The following PHF20 variants were observed in gnomAD, a reference collection of about 807,000 sequenced individuals.
PHF20 encodes the protein glioma-expressed antigen 2.
In PHF20, 23 loss-of-function variants were observed where a neutral mutation model predicts 113.5. That is an observed-to-expected ratio of 0.20 (90% CI 0.15 to 0.29). PHF20 has a LOEUF of 0.29. PHF20 is among the 10% of genes least tolerant of loss of function. PHF20 has a pLI of 1.00. For missense variants in PHF20, 943 were observed against 1,219.6 expected (o/e 0.77, Z 3.38); for synonymous variants, 434 against 457.3 (o/e 0.95, Z 0.65).
At chr20:35,880,622 T>C (rs1346139581) in intron 9 of PHF20, among the ~76,000 whole-genome samples, 2 of 152,172 alleles carry the variant, frequency 1.3e-5, no homozygotes, top group Non-Finnish European at 2.9e-5. Context: ...AATTCCCCAA[T>C]TGCTAGCAAT....
intron 7 of PHF20, among the ~76,000 whole-genome samples, 167 bp from the exon 8 acceptor site, chr20:35,870,788 A>G (rs2054407433): frequency 6.6e-6 from 1 of 152,176 alleles, no homozygotes; most frequent in Admixed American, 6.5e-5. Context: ...CTTTTCCCTT[A>G]CTTAAAACTG....
In PHF20 at chr20:35,905,594, G is replaced by A. The variant is rs186116784; in HGVS notation, c.1561+5946G>A. On this transcript the variant is annotated intron_variant, in intron 10 of 17. Transcript: ENST00000374012. ...CCAAATAGTCTGGCACCTTGATCTTGTAGTTTCCAACCTCCAGAACTGTGA... is the reference window on the plus strand; with the variant it reads ...CCAAATAGTCTGGCACCTTGATCTTATAGTTTCCAACCTCCAGAACTGTGA... Among the ~76,000 whole-genome samples the A allele has an allele frequency of 1.2e-3, 178 of 152,292 alleles. 1 individual carries two copies. The highest frequency in any genetic ancestry group is 4.2e-3 in the African/African-American group (174 of 41,552).
chr20:35,923,191 C>CAA (rs138602271), intron 13 of PHF20, among the ~76,000 whole-genome samples: 1,813 of 152,286 alleles, frequency 0.012, 36 homozygotes, highest in African/African-American at 0.041. Context: ...CAAAACAAGT[C>CAA]AAGCTGGCAT....
chr20:35,841,772 A>C (rs1186766566), intron 2 of PHF20, among the ~76,000 whole-genome samples: 1 of 152,142 alleles, frequency 6.6e-6, no homozygotes, highest in Non-Finnish European at 1.5e-5. Context: ...CTGTCTCAAA[A>C]AAACAAACAA....
In PHF20 at chr20:35,940,897, G is replaced by A. The variant is rs2055964437; in HGVS notation, c.2746G>A (p.Glu916Lys). Residue 916 changes from glutamate (E) to lysine (K), a missense_variant, in exon 17 of 18, where the codon GAA (glutamate) becomes AAA (lysine). Physicochemically the swap from Glu to Lys is moderately conservative, Grantham distance 56. Transcript: ENST00000374012. ...ATATGTCTCCAAAAAGGCCCTACCA[G>A]AAGAAGCCCCTGCTCGGAAGCTGCT... Reference protein sequence around the residue: ...KEYVSKKALPEEAPARKLLDR... With the variant: ...KEYVSKKALPKEAPARKLLDR... 6.2e-7 allele frequency: 1 copy of A among 1,613,886 alleles called. No homozygotes were observed. Among genetic ancestry groups the A allele is most frequent in the African/African-American group, 1.3e-5 (1 of 74,920 alleles).
chr20:35,926,230 A>ATTTTTTTTTTTTTTTTTTTT (rs1186510585), intron 13 of PHF20, among the ~76,000 whole-genome samples: 1 of 52,970 alleles, frequency 1.9e-5, no homozygotes, highest in Non-Finnish European at 3.1e-5. Context: ...ACAGACTTTC[A>ATTTTTTTTTTTTTTTTTTTT]TTTTTTTTTT....
intron 2 of PHF20, among the ~76,000 whole-genome samples, chr20:35,822,806 G>C (rs1030764627): frequency 2.1e-5 from 3 of 144,840 alleles, no homozygotes; most frequent in Non-Finnish European, 4.5e-5. Context: ...CCACTGCATG[G>C]CAGCTTGGGT....
intron 2 of PHF20, among the ~76,000 whole-genome samples, chr20:35,807,424 C>A (rs191679466): frequency 6.9e-6 from 1 of 144,996 alleles, no homozygotes; most frequent in Non-Finnish European, 1.5e-5. Context: ...GCGATTTGGG[C>A]TCACTGCAAC....
At chr20:35,776,987 C>G (rs1460117863) in intron 1 of PHF20, among the ~76,000 whole-genome samples, 2 of 152,210 alleles carry the variant, frequency 1.3e-5, no homozygotes, top group Non-Finnish European at 2.9e-5. Flanking sequence ...CAGTTATTCC[C>G]TTGTCCAAGT....
At chr20:35,896,081 ATGTGTGTGTGTGTGTGTG>A (rs10633976) in intron 9 of PHF20, among the ~76,000 whole-genome samples, 1 of 143,136 alleles carries the variant, frequency 7.0e-6, no homozygotes, top group Non-Finnish European at 1.5e-5. Context: ...ATGCTTTGGG[ATGTGTGTGTGTGTGTGTG>A]TGTGTGTGTG....
At chr20:35,902,033 G>A (rs1170027144) in intron 10 of PHF20, among the ~76,000 whole-genome samples, 1 of 152,110 alleles carries the variant, frequency 6.6e-6, no homozygotes, top group Non-Finnish European at 1.5e-5. Flanking sequence ...CCTGGTGTGG[G>A]GAAGTGGATT....
At chr20:35,808,823 C>T (rs1356471204) in intron 2 of PHF20, among the ~76,000 whole-genome samples, 6 of 151,562 alleles carry the variant, frequency 4.0e-5, no homozygotes, top group South Asian at 4.2e-4. Context: ...CTGCTCGCCT[C>T]GGCCTCCCAA....
chr20:35,874,265 C>T (rs1462718890), intron 9 of PHF20, among the ~76,000 whole-genome samples: 1 of 152,198 alleles, frequency 6.6e-6, no homozygotes, highest in African/African-American at 2.4e-5. Flanking sequence ...CGTGAGCCAC[C>T]ACACCTGGCC....
chr20:35,890,999 A>T (rs1476234989), intron 9 of PHF20, among the ~76,000 whole-genome samples: 3 of 152,240 alleles, frequency 2.0e-5, no homozygotes, highest in Non-Finnish European at 4.4e-5. Flanking sequence ...ATTCCCATTT[A>T]ACAATGAGGA....
chr20:35,801,528 A>G lies in PHF20; in HGVS notation c.6A>G (p.Thr2=). The G allele has an allele frequency of 1.9e-6, 3 of 1,613,120 alleles. No homozygotes were observed. The highest frequency in any genetic ancestry group is 2.5e-6 in the Non-Finnish European group (3 of 1,179,220). M[T]KHPPNRRGIS... ...AGCCCCGTTGATGACTGAAAATGAC[A>G]AAGCATCCACCTAACAGACGAGGAA... The change falls in exon 2 of 18, where the codon ACA becomes ACG. Residue 2 remains threonine, a synonymous_variant. Coordinates refer to ENST00000374012, the MANE Select transcript of PHF20 (RefSeq NM_016436.5).
intron 4 of PHF20, chr20:35,855,271 A>G: frequency 7.5e-7 from 1 of 1,338,248 alleles, no homozygotes; most frequent in Non-Finnish European, 9.9e-7. Flanking sequence ...GCAGGTAAAA[A>G]CAGGAACCCA....
At chr20:35,876,094 G>A (rs2054516113) in intron 9 of PHF20, among the ~76,000 whole-genome samples, 1 of 152,066 alleles carries the variant, frequency 6.6e-6, no homozygotes, top group African/African-American at 2.4e-5. Flanking sequence ...CCTTTCTAAG[G>A]GAATAATTTT....
intron 1 of PHF20, chr20:35,800,175 T>A (rs1175610531): frequency 1.3e-5 from 2 of 152,106 alleles, no homozygotes; most frequent in African/African-American, 4.8e-5. Flanking sequence ...GAATTAAACG[T>A]GAATATTTTT....
At chr20:35,919,088 TCAC>T (rs1044174828) in intron 13 of PHF20, among the ~76,000 whole-genome samples, 2 of 152,044 alleles carry the variant, frequency 1.3e-5, no homozygotes, top group African/African-American at 2.4e-5. Flanking sequence ...CGATTTCGGC[TCAC>T]CACCACCCTC....
Sources: gnomAD v4.1 joint callset for allele counts (sites outside exome capture counted in the v4.1 genomes callset) on GRCh38, gnomAD v4.1.1 for gene constraint, MANE v1.5 for transcripts, NCBI Gene and HGNC (gene_info 2026-07-23, HGNC 2026-07-21) for gene names.